Variants in TENM4 observed in about 807,000 individuals in gnomAD.
The protein encoded by TENM4 is teneurin transmembrane protein 4.
Under a neutral mutation model 243.3 loss-of-function variants are expected in TENM4, and 82 were observed. The observed-to-expected ratio is 0.34, with a 90% CI of 0.28 to 0.40. The LOEUF is 0.40. Ranked by LOEUF, TENM4 falls within the 10% of genes least tolerant of loss-of-function variation. TENM4 has a pLI of 1.00. For missense variants in TENM4, 3,138 were observed against 3,673.3 expected (o/e 0.85, Z 3.77); for synonymous variants, 1,412 against 1,456.3 (o/e 0.97, Z 0.69).
chr11:79,269,556 G>T (rs896037627), intron 2 of TENM4: 1 of 152,426 alleles, frequency 6.6e-6, no homozygotes, highest in Non-Finnish European at 1.5e-5. Flanking sequence ...AGGGAGCTGC[G>T]TGGGTGGGGA....
At chr11:79,194,418 G>A (rs919606800) in intron 3 of TENM4, among the ~76,000 whole-genome samples, 4 of 152,122 alleles carry the variant, frequency 2.6e-5, no homozygotes, top group South Asian at 2.1e-4. Flanking sequence ...GAAAATGTGG[G>A]AAAGTTTGGA....
At chr11:79,424,176 T>C (rs1858999336) in intron 1 of TENM4, among the ~76,000 whole-genome samples, 1 of 152,234 alleles carries the variant, frequency 6.6e-6, no homozygotes, top group South Asian at 2.1e-4. Flanking sequence ...CTTTTGGCAA[T>C]GTCTGTCAAC....
At chr11:79,149,792 A>G (rs1199354684) in intron 3 of TENM4, among the ~76,000 whole-genome samples, 3 of 152,100 alleles carry the variant, frequency 2.0e-5, no homozygotes, top group South Asian at 2.1e-4. Flanking sequence ...CTCACCTGTA[A>G]TAAGGTATGT....
At chr11:79,240,033 A>G (rs1251858243) in intron 2 of TENM4, among the ~76,000 whole-genome samples, 1 of 152,146 alleles carries the variant, frequency 6.6e-6, no homozygotes, top group Non-Finnish European at 1.5e-5. Context: ...ACAGAAAACT[A>G]TGGTGGTAAA....
intron 9 of TENM4, among the ~76,000 whole-genome samples, chr11:78,877,755 C>T (rs1859306303): frequency 1.3e-5 from 2 of 152,186 alleles, no homozygotes; most frequent in South Asian, 2.1e-4. Context: ...CTTTTTGACA[C>T]ATTTCCAAAC....
chr11:79,332,881 C>G (rs1857084514), intron 1 of TENM4, among the ~76,000 whole-genome samples: 1 of 152,100 alleles, frequency 6.6e-6, no homozygotes, highest in African/African-American at 2.4e-5. Flanking sequence ...TTAAATTGTT[C>G]TAGTCTTTAG....
intron 7 of TENM4, among the ~76,000 whole-genome samples, chr11:78,893,982 G>A (rs150646239): frequency 3.5e-4 from 54 of 152,208 alleles, no homozygotes; most frequent in African/African-American, 1.3e-3. Context: ...TATCTGTCTT[G>A]TTCACTGCTA....
At chr11:79,103,283 C>G (rs146441418) in intron 4 of TENM4, among the ~76,000 whole-genome samples, 42 of 152,264 alleles carry the variant, frequency 2.8e-4, no homozygotes, top group Admixed American at 2.4e-3. Flanking sequence ...CAGCATGGAT[C>G]AAATGCATAT....
At chr11:78,784,483 C>A (rs1042526839) in intron 16 of TENM4, among the ~76,000 whole-genome samples, 1 of 152,096 alleles carries the variant, frequency 6.6e-6, no homozygotes, top group South Asian at 2.1e-4. Context: ...GGTTACCATG[C>A]AGGAAAATTA....
intron 1 of TENM4, among the ~76,000 whole-genome samples, chr11:79,346,913 C>G (rs1172211397): frequency 1.3e-5 from 2 of 152,182 alleles, no homozygotes; most frequent in Non-Finnish European, 2.9e-5. Context: ...TCTGCTTTCT[C>G]TTAGGTCCTG....
chr11:78,766,682 C>T lies in TENM4; in HGVS notation c.2539+4310G>A, dbSNP rs954452089. On this transcript the variant is annotated intron_variant, in intron 18 of 33. Coordinates refer to ENST00000278550, the MANE Select transcript of TENM4 (RefSeq NM_001098816.3). ...AAACTAATAAAGCTGCTCCCTGGCT[C>T]AGTCATACTGTTCGGCTCCCCCAAT... 3.3e-5 allele frequency among the ~76,000 whole-genome samples: 5 copies of T among 149,716 alleles called. No individual in the cohort carries two copies. The East Asian group carries it at 7.9e-4, about 24-fold the overall frequency.
chr11:79,097,349 G>C (rs897609717), intron 4 of TENM4: 2 of 152,170 alleles, frequency 1.3e-5, no homozygotes, highest in African/African-American at 4.8e-5. Flanking sequence ...TTCATCGCCA[G>C]AGTCTGTGTC....
At chr11:79,001,130 T>G (rs1591196366) in intron 6 of TENM4, among the ~76,000 whole-genome samples, 1 of 152,088 alleles carries the variant, frequency 6.6e-6, no homozygotes, top group African/African-American at 2.4e-5. Flanking sequence ...TGACAGCAGA[T>G]AAAAAAGCAA....
chr11:78,869,977 T>C (rs1165985446), intron 9 of TENM4, among the ~76,000 whole-genome samples: 1 of 152,132 alleles, frequency 6.6e-6, no homozygotes, highest in East Asian at 1.9e-4. Flanking sequence ...ACAAAAACCA[T>C]GTAGATGCCA....
chr11:79,112,059 G>A (rs1374756589), intron 4 of TENM4, among the ~76,000 whole-genome samples: 3 of 152,208 alleles, frequency 2.0e-5, no homozygotes, highest in African/African-American at 4.8e-5. Context: ...AAGTCAGCTG[G>A]AAGCTGCCTC....
chr11:78,868,931 T>A (rs60098685), intron 9 of TENM4, among the ~76,000 whole-genome samples: 19 of 152,126 alleles, frequency 1.2e-4, no homozygotes, highest in African/African-American at 4.3e-4. Context: ...TTTTTTTAAA[T>A]GACTATTTCT....
chr11:78,935,397 ACCTTTTATT>A (rs1357696417), intron 6 of TENM4, among the ~76,000 whole-genome samples: 16 of 152,128 alleles, frequency 1.1e-4, no homozygotes, highest in African/African-American at 3.9e-4. Flanking sequence ...AGTTCCAGGC[ACCTTTTATT>A]CCTTGTACTC....
intron 7 of TENM4, 21 bp downstream of exon 7, chr11:78,903,247 C>A: frequency 3.4e-6 from 5 of 1,486,102 alleles, no homozygotes; most frequent in Non-Finnish European, 4.4e-6. Context: ...CTCAGCCTCA[C>A]CCTCCCTACC....
intron 6 of TENM4, among the ~76,000 whole-genome samples, chr11:78,904,167 T>C (rs530617322): frequency 1.3e-4 from 20 of 152,050 alleles, no homozygotes; most frequent in African/African-American, 4.8e-4. Flanking sequence ...GAGACCATCC[T>C]GGCTAACATG....
Sources: allele counts gnomAD v4.1 joint callset (sites outside exome capture counted in the v4.1 genomes callset), GRCh38; gene constraint gnomAD v4.1.1; transcripts MANE v1.5; gene names NCBI Gene and HGNC (gene_info 2026-07-23, HGNC 2026-07-21).